Variants in FTSJ3 observed in about 807,000 individuals in gnomAD.
FTSJ3 encodes FtsJ RNA 2'-O-methyltransferase 3, also known as pre-rRNA 2'-O-ribose RNA methyltransferase FTSJ3.
Under a neutral mutation model 111.5 loss-of-function variants are expected in FTSJ3, and 46 were observed. The observed-to-expected ratio is 0.41, with a 90% confidence interval of 0.33 to 0.53. The LOEUF is 0.53. Among genes scored for constraint, FTSJ3 ranks in the 20% least tolerant of loss-of-function variants. The pLI, the probability that FTSJ3 is intolerant of heterozygous loss-of-function variation, is 0.19. For synonymous variants in FTSJ3, 408 were observed against 383.0 expected (o/e 1.07, Z -0.76); for missense variants, 1,075 against 1,063.8 (o/e 1.01, Z -0.15).
intron 2 of FTSJ3, 57 bp from the exon 3 acceptor site, chr17:63,826,729 G>A (rs2040109073): frequency 2.6e-6 from 4 of 1,557,176 alleles, no homozygotes; most frequent in Non-Finnish European, 3.5e-6. Flanking sequence ...CTCCGGCCTC[G>A]CAACCGACCA....
In FTSJ3 at chr17:63,825,078, A is replaced by G. The variant is rs2040085332; in HGVS notation, c.681T>C (p.Val227=). Residue 227 remains valine, a synonymous_variant, in exon 8 of 21, where the codon GTT becomes GTC. Coordinates refer to ENST00000427159, the MANE Select transcript of FTSJ3 (RefSeq NM_017647.4). ...GCTTCTTCTTAGTAACCAATTCAGT[A>G]ACGGTCTTAGCCTGAACTTCAACCT... ...FKEVEVQAKT[V]TELVTKKKPK... is the part of the protein sequence containing the mutation. 2.5e-6 allele frequency: 4 copies of G among 1,614,176 alleles called. No homozygotes were observed. Among genetic ancestry groups the G allele is most frequent in the Non-Finnish European group, 3.4e-6 (4 of 1,180,006 alleles).
chr17:63,822,182 G>A lies in FTSJ3; in HGVS notation c.1291-14C>T, dbSNP rs1255163337. 1 of 1,609,352 alleles carries A rather than the reference G, an allele frequency of 6.2e-7. No homozygotes were observed. The highest frequency in any genetic ancestry group is 8.5e-7 in the Non-Finnish European group (1 of 1,176,730). ...TTCCTCTAATAACTGAAGTGTAACA[G>A]AAACAAAGGTAAACTATTTAAAAGG... On this transcript the variant is annotated splice_polypyrimidine_tract_variant and intron_variant, in intron 13 of 20. Coordinates refer to ENST00000427159, the MANE Select transcript of FTSJ3 (RefSeq NM_017647.4).
rs2040053754 is a variant in FTSJ3 at position 63,821,716 on chromosome 17, T to C, written c.1596+7A>G. The C allele has an allele frequency of 1.9e-6, 3 of 1,614,088 alleles. No individual in the cohort carries two copies. The highest frequency in any genetic ancestry group is 2.5e-6 in the Non-Finnish European group (3 of 1,180,046). ...TCCCCGCAGTCTTGCCCCCGGCCTCTCCTTACCTTTGAGAACCACAGGTTG... is the reference window on the plus strand; with the variant it reads ...TCCCCGCAGTCTTGCCCCCGGCCTCCCCTTACCTTTGAGAACCACAGGTTG... On this transcript the variant is annotated splice_region_variant and intron_variant, in intron 15 of 20. Coordinates refer to ENST00000427159, the MANE Select transcript of FTSJ3 (RefSeq NM_017647.4).
At chr17:63,821,003 T>C in intron 17 of FTSJ3, 27 bp downstream of exon 17, 1 of 1,608,854 alleles carries the variant, frequency 6.2e-7, no homozygotes, top group South Asian at 1.1e-5. Context: ...TGGTCTTTTC[T>C]CATTCCACTG....
In FTSJ3 at chr17:63,820,954, GA is replaced by G; in HGVS notation, c.1973-17del. The stretch of plus-strand genomic sequence containing the variant: ...CGATGTTTCGCTAGAGAGGGAAGGA[GA>G]AAGGTCAAAGCTCAATTCCCAATAC... On this transcript the variant is annotated splice_polypyrimidine_tract_variant and intron_variant, in intron 17 of 20. Transcript: ENST00000427159. 2 of 1,612,460 alleles carry G rather than the reference GA, an allele frequency of 1.2e-6. No individual in the cohort carries two copies. Among genetic ancestry groups the G allele is most frequent in the Non-Finnish European group, 8.5e-7 (1 of 1,178,450 alleles).
chr17:63,823,957 G>C lies in FTSJ3; in HGVS notation c.1155-5C>G. On this transcript the variant is annotated splice_region_variant and splice_polypyrimidine_tract_variant and intron_variant, in intron 12 of 20. Transcript: ENST00000427159. ...CGCAACAGCTTCTTTTTCTTCCTGA[G>C]GGGGTGGATTGAGGGAGTAAAACCG... 6.2e-7 allele frequency: 1 copy of C among 1,614,182 alleles called. No homozygotes were observed. Among genetic ancestry groups the C allele is most frequent in the Non-Finnish European group, 8.5e-7 (1 of 1,180,028 alleles).
At chr17:63,823,653 T>G in intron 13 of FTSJ3, 164 bp downstream of exon 13, 1 of 711,008 alleles carries the variant, frequency 1.4e-6, no homozygotes. Flanking sequence ...TCCTTTTTGG[T>G]TTATGTTTCT....
intron 16 of FTSJ3, 40 bp from the exon 17 acceptor site, chr17:63,821,155 G>C: frequency 6.3e-7 from 1 of 1,597,188 alleles, no homozygotes; most frequent in East Asian, 2.2e-5. Flanking sequence ...CCACCACTCT[G>C]TACTACTCAG....
At position 63,827,061 on chromosome 17, in the gene FTSJ3, G is replaced by C; in HGVS notation, c.-36C>G. On this transcript the variant is annotated 5_prime_UTR_variant, in exon 1 of 21. Coordinates refer to ENST00000427159, the MANE Select transcript of FTSJ3 (RefSeq NM_017647.4). ...CCTCTCCGCACACTACCTAGACCCA[G>C]AGCCGCTTTCTCCACACTTGGAACC... is the stretch of plus-strand genomic sequence containing the variant. 2 of 697,342 alleles carry C rather than the reference G, an allele frequency of 2.9e-6. No homozygotes were observed. The highest frequency in any genetic ancestry group is 5.0e-6 in the Non-Finnish European group (2 of 401,588). The allele number at this position is 697,342 out of a possible 1,614,324, so 43.2% of individuals were successfully genotyped here.
rs1056076107 is a variant in FTSJ3 at position 63,822,165 on chromosome 17, A to G, written c.1294T>C (p.Leu432=). 6.2e-7 allele frequency: 1 copy of G among 1,612,678 alleles called. No individual in the cohort carries two copies. Among genetic ancestry groups the G allele is most frequent in the Non-Finnish European group, 8.5e-7 (1 of 1,179,286 alleles). Residue 432 remains leucine, a synonymous_variant, in exon 14 of 21, where the codon TTA becomes CTA. Coordinates refer to ENST00000427159, the MANE Select transcript of FTSJ3 (RefSeq NM_017647.4). ...ATATCCCCTTGTGTTACTTCCTCTA[A>G]TAACTGAAGTGTAACAGAAACAAAG... ...SLSTIRGHQL[L]EEVTQGDMSA... is the part of the protein sequence containing the mutation.
chr17:63,826,986 AGTTTCCC>A, intron 1 of FTSJ3, 58 bp from the exon 2 acceptor site: 5 of 172,902 alleles, frequency 2.9e-5, no homozygotes, highest in Non-Finnish European at 3.9e-5. Context: ...TTCCACTTCC[AGTTTCCC>A]ACTTCCAGTT....
At position 63,821,106 on chromosome 17, in the gene FTSJ3, G is replaced by A; in HGVS notation, c.1896C>T (p.Pro632=). The change falls in exon 17 of 21, where the codon CCC becomes CCT. Residue 632 remains proline (P), a synonymous_variant. Transcript: ENST00000427159. ...TSSEEEESWE[P]LRGKKRSRGP... ...CACGGCTTCGCTTCTTACCACGGAG[G>A]GGTTCCCAGCTGTGAAGAGGGGAGG... 4 of 1,614,058 alleles carry A rather than the reference G, an allele frequency of 2.5e-6. No homozygotes were observed. The highest frequency in any genetic ancestry group is 3.3e-4 in the Middle Eastern group (2 of 6,030).
intron 19 of FTSJ3, 29 bp from the exon 20 acceptor site, chr17:63,820,202 T>TGGGGGGGGGG: frequency 1.3e-6 from 2 of 1,593,180 alleles, no homozygotes; most frequent in Non-Finnish European, 1.7e-6. Context: ...GGTGACCTCT[T>TGGGGGGGGGG]CCCCATCCCC....
Position 63,826,562 on chromosome 17 carries a change from C to A in FTSJ3, c.173+5G>T, listed in dbSNP as rs755379942. On this transcript the variant is annotated splice_donor_5th_base_variant and intron_variant, in intron 3 of 20. Transcript: ENST00000427159. Reference sequence around the variant, plus strand: ...CAGGAGCAACCTGTGGCGAGTGTTACGAACCATCCCCCTGGCGCAGCACAC... The same window carrying A: ...CAGGAGCAACCTGTGGCGAGTGTTAAGAACCATCCCCCTGGCGCAGCACAC... 3.1e-6 allele frequency: 5 copies of A among 1,611,262 alleles called. No homozygotes were observed. The highest frequency in any genetic ancestry group is 1.1e-5 in the South Asian group (1 of 91,018).
At chr17:63,824,541 C>T (rs2040080065) in intron 10 of FTSJ3, 96 bp downstream of exon 10, 5 of 1,428,956 alleles carry the variant, frequency 3.5e-6, no homozygotes, top group South Asian at 2.3e-5. Flanking sequence ...CCATCCCAAA[C>T]CTTTAGCACA....
rs2040116173 is a variant in FTSJ3 at position 63,827,117 on chromosome 17, C to A, written c.-92G>T. On this transcript the variant is annotated 5_prime_UTR_variant, in exon 1 of 21. It introduces an in-frame stop codon into an upstream open reading frame of the 5' UTR. Transcript: ENST00000427159. Reference sequence around the variant, plus strand: ...AGTATGCAGCTAACTACTTCCGCTTCCGCTTGCGTCCCCTGCGTCCCTGGC... The same window carrying A: ...AGTATGCAGCTAACTACTTCCGCTTACGCTTGCGTCCCCTGCGTCCCTGGC... 1 of 610,312 alleles carries A rather than the reference C, an allele frequency of 1.6e-6. No homozygotes were observed. 37.8% of individuals were successfully genotyped at this position (610,312 alleles called of 1,614,324 possible). A position where few individuals can be genotyped will look rare whatever the true frequency, so the allele number is the denominator to read the frequency against.
Position 63,820,292 on chromosome 17 carries a change from T to C in FTSJ3, c.2219A>G (p.Lys740Arg), listed in dbSNP as rs777762622. The C allele has an allele frequency of 5.6e-6, 9 of 1,596,424 alleles. No individual in the cohort carries two copies. Among genetic ancestry groups the C allele is most frequent in the Non-Finnish European group, 7.7e-6 (9 of 1,170,682 alleles). ...TCTAGCCTTAGCCTCAGCCACCTTC[T>C]TGATGGGACGTGCATTGATTTCCCG... The part of the protein sequence containing the change: ...RWREINARPI[K>R]KVAEAKARKK... The change falls in exon 19 of 21, where the codon AAG becomes AGG. Residue 740 changes from lysine (K) to arginine (R), a missense_variant. Around this residue, in one of 2 missense-constraint regions of FTSJ3, gnomAD observed 867 missense variants for 796.9 expected, o/e 1.09. Transcript: ENST00000427159.
At chr17:63,826,991 CCCACTTCCAGT>C (rs2040113373) in intron 1 of FTSJ3, 50 bp downstream of exon 1, 4 of 166,006 alleles carry the variant, frequency 2.4e-5, no homozygotes, top group Non-Finnish European at 3.3e-5. Flanking sequence ...CTTCCAGTTT[CCCACTTCCAGT>C]TTCCCACTTC....
intron 20 of FTSJ3, 42 bp downstream of exon 20, chr17:63,820,037 G>A (rs752159429): frequency 2.0e-5 from 33 of 1,613,706 alleles, no homozygotes; most frequent in Non-Finnish European, 2.7e-5. Flanking sequence ...GCTTTCTGCT[G>A]CACTTTTAGC....
Sources: gnomAD v4.1 joint callset for allele counts on GRCh38, gnomAD v4.1.1 for gene constraint, gnomAD v4.1.1 regional missense constraint, MANE v1.5 for transcripts, NCBI Gene and HGNC (gene_info 2026-07-23, HGNC 2026-07-21) for gene names.